Variants in UBE2K observed in about 807,000 individuals in gnomAD.
UBE2K encodes the protein ubiquitin conjugating enzyme E2 K, also known as ubiquitin-conjugating enzyme E2 K.
Under a neutral mutation model 30.0 loss-of-function variants are expected in UBE2K, and 6 were observed. The ratio of observed to expected loss-of-function variants is 0.20; its 90% CI spans 0.11 to 0.39. The LOEUF is 0.39. UBE2K is among the 10% of genes least tolerant of loss of function. The pLI is 1.00. For missense variants in UBE2K, 61 were observed against 241.6 expected, an observed-to-expected ratio of 0.25 and a Z score of 4.96; for synonymous variants, 86 against 83.7, an observed-to-expected ratio of 1.03 and a Z score of -0.15.
intron 1 of UBE2K, among the ~76,000 whole-genome samples, chr4:39,719,359 T>C (rs1016102765): frequency 3.8e-4 from 58 of 152,218 alleles, no homozygotes; most frequent in Non-Finnish European, 2.1e-4. Flanking sequence ...ATTGTACATA[T>C]GTCCTTCTAC....
At chr4:39,740,080 T>C (rs528839530) in intron 2 of UBE2K, among the ~76,000 whole-genome samples, 19 of 152,278 alleles carry the variant, frequency 1.2e-4, no homozygotes, top group African/African-American at 4.6e-4. Context: ...CCTTTAGTTA[T>C]CTTTAAAAAA....
At chr4:39,771,477 G>GTT in intron 4 of UBE2K, 2 of 1,487,020 alleles carry the variant, frequency 1.3e-6, no homozygotes, top group Non-Finnish European at 1.8e-6. Flanking sequence ...TCCGCGCGCT[G>GTT]TTTTTTTTTA....
chr4:39,744,925 T>TAAAA (rs1225784227), intron 2 of UBE2K, among the ~76,000 whole-genome samples: 35 of 148,388 alleles, frequency 2.4e-4, no homozygotes, highest in Non-Finnish European at 4.2e-4. Flanking sequence ...AAAAAATAAA[T>TAAAA]TAAATAAAAT....
At chr4:39,747,528 G>C (rs1001199078) in intron 3 of UBE2K, among the ~76,000 whole-genome samples, 1 of 152,110 alleles carries the variant, frequency 6.6e-6, no homozygotes, top group African/African-American at 2.4e-5. Flanking sequence ...GAATTTCTTT[G>C]TTTTTAAGGC....
chr4:39,765,686 G>A (rs1280801170), intron 4 of UBE2K, among the ~76,000 whole-genome samples: 1 of 151,912 alleles, frequency 6.6e-6, no homozygotes, highest in Non-Finnish European at 1.5e-5. Context: ...GCCAAGTCTG[G>A]TAGCATGCGA....
At chr4:39,740,861 T>TC (rs1720663167) in intron 2 of UBE2K, among the ~76,000 whole-genome samples, 1 of 84,564 alleles carries the variant, frequency 1.2e-5, no homozygotes, top group African/African-American at 6.4e-5. Context: ...AGACTCCGTC[T>TC]CAAAAAAAAA....
chr4:39,727,630 G>A (rs1719826922), intron 1 of UBE2K, among the ~76,000 whole-genome samples: 1 of 151,460 alleles, frequency 6.6e-6, no homozygotes, highest in Admixed American at 6.6e-5. Context: ...GAACTCCTGG[G>A]TTCAAATGAT....
At chr4:39,717,716 C>T (rs1280011635) in intron 1 of UBE2K, among the ~76,000 whole-genome samples, 1 of 152,200 alleles carries the variant, frequency 6.6e-6, no homozygotes, top group Admixed American at 6.5e-5. Context: ...AATGAAGCCA[C>T]GGACCCTTGC....
intron 1 of UBE2K, among the ~76,000 whole-genome samples, chr4:39,704,773 C>T (rs576681987): frequency 3.4e-4 from 52 of 151,882 alleles, no homozygotes; most frequent in African/African-American, 1.1e-3. Flanking sequence ...AACTCCTGGA[C>T]TGAAGTGATC....
chr4:39,775,052 C>T (rs2109414718), intron 5 of UBE2K, 119 bp downstream of exon 5: 1 of 525,718 alleles, frequency 1.9e-6, no homozygotes, highest in South Asian at 4.8e-5. Flanking sequence ...AAATGGTTTT[C>T]TTTCTTGTGG....
At chr4:39,756,032 G>A (rs1721502021) in intron 4 of UBE2K, among the ~76,000 whole-genome samples, 1 of 152,162 alleles carries the variant, frequency 6.6e-6, no homozygotes, top group African/African-American at 2.4e-5. Flanking sequence ...AGATATTTGT[G>A]AAAGACTAAA....
At chr4:39,736,522 T>C (rs890512227) in intron 1 of UBE2K, among the ~76,000 whole-genome samples, 4 of 152,224 alleles carry the variant, frequency 2.6e-5, no homozygotes, top group Non-Finnish European at 4.4e-5. Context: ...CGAGAGGATT[T>C]ACTGTATTTT....
At chr4:39,732,411 G>A (rs558130144) in intron 1 of UBE2K, among the ~76,000 whole-genome samples, 68 of 152,260 alleles carry the variant, frequency 4.5e-4, no homozygotes, top group Non-Finnish European at 7.5e-4. Context: ...TAACATTTGA[G>A]ATAGCATATA....
At chr4:39,745,159 C>G (rs1441394638) in intron 2 of UBE2K, among the ~76,000 whole-genome samples, 1 of 152,134 alleles carries the variant, frequency 6.6e-6, no homozygotes, top group Non-Finnish European at 1.5e-5. Context: ...TAGCCATGGA[C>G]CCAGCTTGTT....
chr4:39,712,677 C>G (rs968870100), intron 1 of UBE2K, among the ~76,000 whole-genome samples: 1 of 152,006 alleles, frequency 6.6e-6, no homozygotes, highest in African/African-American at 2.4e-5. Flanking sequence ...ACCTCGGCCT[C>G]CCAAAGTGCT....
intron 2 of UBE2K, among the ~76,000 whole-genome samples, chr4:39,740,504 C>CTGCA (rs1489071102): frequency 1.4e-5 from 2 of 144,620 alleles, no homozygotes; most frequent in Non-Finnish European, 3.0e-5. Context: ...GATCGCGCTG[C>CTGCA]TGCACTCCAG....
intron 4 of UBE2K, among the ~76,000 whole-genome samples, chr4:39,759,126 CAG>C (rs911393908): frequency 6.6e-6 from 1 of 152,046 alleles, no homozygotes; most frequent in African/African-American, 2.4e-5. Context: ...GAGAAAAATA[CAG>C]AGTCTTAATC....
chr4:39,714,550 A>ATATATATATATATATATATATATATTTT, intron 1 of UBE2K: 1 of 17,854 alleles, frequency 5.6e-5, no homozygotes, highest in Non-Finnish European at 8.7e-5. Context: ...ATATATATAT[A>ATATATATATATATATATATATATATTTT]TTTTTTTTTT....
intron 6 of UBE2K, 73 bp from the exon 7 acceptor site, chr4:39,778,287 A>AT (rs1319494872): frequency 2.1e-6 from 2 of 958,026 alleles, no homozygotes; most frequent in African/African-American, 3.3e-5. Context: ...TCCCAGTATA[A>AT]AGAGTGAATG....
Sources: gnomAD v4.1 joint callset for allele counts (sites outside exome capture counted in the v4.1 genomes callset) on GRCh38, gnomAD v4.1.1 for gene constraint, MANE v1.5 for transcripts, NCBI Gene and HGNC (gene_info 2026-07-23, HGNC 2026-07-21) for gene names.